RASA2: variants seen among roughly 807,000 people sequenced by gnomAD.
RASA2 encodes RAS p21 protein activator 2, also known as ras GTPase-activating protein 2.
RASA2 carries 155 observed loss-of-function variants against 118.2 expected under a neutral mutation model. The observed-to-expected ratio is 1.31, with a 90% CI of 1.15 to 1.50. The LOEUF is 1.50. RASA2 is among the 40% of genes most tolerant of loss of function. RASA2 has a pLI of 0.00. For synonymous variants in RASA2, 353 were observed against 349.1 expected (o/e 1.01, Z -0.12); for missense variants, 1,016 against 1,009.6 (o/e 1.01, Z -0.09).
Position 141,612,527 on chromosome 3 carries a change from C to G in RASA2, c.*214C>G. On this transcript the variant is annotated 3_prime_UTR_variant, in exon 24 of 24. Coordinates refer to ENST00000286364, the MANE Select transcript of RASA2 (RefSeq NM_006506.5). ...AGAATTTAAAGCCCAAGATTCCCTT[C>G]ATACCTGTGTGACCAAATCCATGTT... 2.3e-6 allele frequency: 1 copy of G among 438,796 alleles called. No individual in the cohort carries two copies. The highest frequency in any genetic ancestry group is 4.1e-6 in the Non-Finnish European group (1 of 243,506). The allele number at this position is 438,796 out of a possible 1,614,324, so 27.2% of individuals were successfully genotyped here.
intron 1 of RASA2, among the ~76,000 whole-genome samples, chr3:141,509,709 G>A (rs1023915006): frequency 6.6e-6 from 1 of 152,202 alleles, no homozygotes; most frequent in Non-Finnish European, 1.5e-5. Context: ...GTGTCCTGGA[G>A]GGACAAGAGG....
intron 1 of RASA2, 140 bp downstream of exon 1, chr3:141,487,356 G>C (rs951600601): frequency 1.9e-6 from 2 of 1,038,910 alleles, no homozygotes; most frequent in African/African-American, 3.4e-5. Context: ...GCGCGGTTGA[G>C]GCTGGAAGGG....
chr3:141,503,292 T>TA (rs1289030057), intron 1 of RASA2, among the ~76,000 whole-genome samples: 1 of 152,188 alleles, frequency 6.6e-6, no homozygotes, highest in Admixed American at 6.5e-5. Context: ...CATATGTACA[T>TA]ACTCACATAC....
chr3:141,603,914 G>A (rs147639452), intron 19 of RASA2, among the ~76,000 whole-genome samples: 1 of 152,190 alleles, frequency 6.6e-6, no homozygotes, highest in South Asian at 2.1e-4. Context: ...GCATGAATCA[G>A]TACTTTATTT....
At chr3:141,555,031 G>A (rs1003184153) in intron 6 of RASA2, among the ~76,000 whole-genome samples, 3 of 152,204 alleles carry the variant, frequency 2.0e-5, no homozygotes, top group Non-Finnish European at 2.9e-5. Context: ...GGAGGCCGAG[G>A]CGGGTGGATT....
chr3:141,531,388 CTTTA>C (rs1240035438), intron 4 of RASA2, among the ~76,000 whole-genome samples: 3 of 150,792 alleles, frequency 2.0e-5, no homozygotes, highest in African/African-American at 7.3e-5. Flanking sequence ...AGACACAAGA[CTTTA>C]TTTGATGGTG....
intron 3 of RASA2, among the ~76,000 whole-genome samples, chr3:141,519,373 C>T (rs897115387): frequency 1.3e-5 from 2 of 152,132 alleles, no homozygotes; most frequent in Admixed American, 1.3e-4. Context: ...AGGAATTTTT[C>T]ATATGTTTAT....
intron 4 of RASA2, among the ~76,000 whole-genome samples, chr3:141,537,034 A>G (rs907934560): frequency 6.6e-6 from 1 of 152,200 alleles, no homozygotes; most frequent in Non-Finnish European, 1.5e-5. Flanking sequence ...GGCATGAGCC[A>G]CTGCGCCCAG....
intron 9 of RASA2, 151 bp from the exon 10 acceptor site, chr3:141,570,761 G>A (rs2082905010): frequency 4.7e-6 from 3 of 632,268 alleles, no homozygotes; most frequent in East Asian, 3.1e-5. Flanking sequence ...TTAGTTTTCT[G>A]AAGATGAGTA....
chr3:141,514,720 T>C (rs565694218), intron 2 of RASA2, among the ~76,000 whole-genome samples: 7 of 152,342 alleles, frequency 4.6e-5, no homozygotes, highest in African/African-American at 1.4e-4. Flanking sequence ...AAGCTTTATA[T>C]AAGAATGTTC....
chr3:141,553,682 A>T (rs973597536), intron 5 of RASA2, among the ~76,000 whole-genome samples, 175 bp from the exon 6 acceptor site: 2 of 152,222 alleles, frequency 1.3e-5, no homozygotes, highest in Non-Finnish European at 2.9e-5. Context: ...ATGCATACAT[A>T]CATATGTCCA....
rs1227400545 is a variant in RASA2 at position 141,613,068 on chromosome 3, G to GT, written c.*758dup. 2.0e-5 allele frequency: 3 copies of GT among 152,170 alleles called. No individual in the cohort carries two copies. Among genetic ancestry groups the GT allele is most frequent in the Non-Finnish European group, 4.4e-5 (3 of 68,032 alleles). 9.4% of individuals were successfully genotyped at this position (152,170 alleles called of 1,614,324 possible). A position where few individuals can be genotyped will look rare whatever the true frequency, so the allele number is the denominator to read the frequency against. On this transcript the variant is annotated 3_prime_UTR_variant, in exon 24 of 24. Coordinates refer to ENST00000286364, the MANE Select transcript of RASA2 (RefSeq NM_006506.5). The stretch of plus-strand genomic sequence containing the variant: ...AGGTACTCATTTTCTTGATTTGAAA[G>GT]TTTAACATGACTTCTAAGGACATCT...
Position 141,559,928 on chromosome 3 carries a change from G to T in RASA2, c.796G>T (p.Asp266Tyr). The T allele has an allele frequency of 6.2e-7, 1 of 1,613,286 alleles. No individual in the cohort carries two copies. The highest frequency in any genetic ancestry group is 8.5e-7 in the Non-Finnish European group (1 of 1,179,440). ...GTGGAACAATGGAAACCTAGTCCAA[G>T]ATGTTTTCCTAGGTGAGATTAAGGT... ...DLWNNGNLVQ[D>Y]VFLGEIKVPV... The change falls in exon 9 of 24, where the codon GAT becomes TAT. Residue 266 changes from aspartate (D) to tyrosine (Y), a missense_variant. Transcript: ENST00000286364.
intron 11 of RASA2, among the ~76,000 whole-genome samples, chr3:141,572,349 C>G (rs1222096522): frequency 6.6e-6 from 1 of 152,066 alleles, no homozygotes; most frequent in Non-Finnish European, 1.5e-5. Context: ...GCTTCGGACC[C>G]CCAAAGTGAT....
At chr3:141,598,025 C>T (rs80157408) in intron 19 of RASA2, among the ~76,000 whole-genome samples, 1 of 152,086 alleles carries the variant, frequency 6.6e-6, no homozygotes, top group Non-Finnish European at 1.5e-5. Context: ...AGTAGAATAT[C>T]TTAAAAACCC....
chr3:141,589,852 G>GA (rs997519383), intron 19 of RASA2, among the ~76,000 whole-genome samples: 199 of 144,492 alleles, frequency 1.4e-3, no homozygotes, highest in African/African-American at 4.5e-3. Context: ...AAAAAAAAAA[G>GA]AAAAAAAAAA....
chr3:141,538,779 G>A (rs896899843), intron 4 of RASA2, among the ~76,000 whole-genome samples: 5 of 152,246 alleles, frequency 3.3e-5, no homozygotes, highest in African/African-American at 1.2e-4. Context: ...TTATTTACCA[G>A]TCAGTGGGAG....
chr3:141,487,117 T>A lies in RASA2; in HGVS notation c.34T>A (p.Ser12Thr). ...AAAAPAAAAA[S>T]SEAPAASATA... ...GGCGGCGCCTGCTGCTGCGGCGGCT[T>A]CTTCCGAGGCGCCAGCGGCGAGTGC... Residue 12 changes from serine (S) to threonine (T), a missense_variant, in exon 1 of 24, where the codon TCT (serine) becomes ACT (threonine). Around this residue, in one of 2 missense-constraint regions of RASA2, gnomAD observed 896 missense variants for 836.4 expected, o/e 1.07. Coordinates refer to ENST00000286364, the MANE Select transcript of RASA2 (RefSeq NM_006506.5). 4 of 1,421,996 alleles carry A rather than the reference T, an allele frequency of 2.8e-6. No homozygotes were observed. Among genetic ancestry groups the A allele is most frequent in the South Asian group, 1.4e-5 (1 of 72,488 alleles). The allele number at this position is 1,421,996 out of a possible 1,614,324, so 88.1% of individuals were successfully genotyped here. A position where few individuals can be genotyped will look rare whatever the true frequency, so the allele number is the denominator to read the frequency against.
At chr3:141,501,923 T>G (rs890389613) in intron 1 of RASA2, among the ~76,000 whole-genome samples, 6 of 152,154 alleles carry the variant, frequency 3.9e-5, no homozygotes, top group Non-Finnish European at 7.4e-5. Flanking sequence ...TCTTTTCATC[T>G]CCTGAAGTTC....
Sources: allele counts gnomAD v4.1 joint callset (sites outside exome capture counted in the v4.1 genomes callset), GRCh38; gene constraint gnomAD v4.1.1; regional missense constraint gnomAD v4.1.1; transcripts MANE v1.5; gene names NCBI Gene and HGNC (gene_info 2026-07-23, HGNC 2026-07-21).